Variants in ZC3H12B observed in about 807,000 individuals in gnomAD.
ZC3H12B encodes zinc finger CCCH-type containing 12B, also known as probable ribonuclease ZC3H12B.
In ZC3H12B, 7 loss-of-function variants were observed where a neutral mutation model predicts 43.9. The observed-to-expected ratio is 0.16, with a 90% CI of 0.09 to 0.30. The LOEUF is 0.30. Ranked by LOEUF, ZC3H12B falls within the 10% of genes least tolerant of loss-of-function variation. ZC3H12B has a pLI of 1.00. For missense variants in ZC3H12B, 475 were observed against 670.2 expected, an observed-to-expected ratio of 0.71 and a Z score of 3.22; for synonymous variants, 222 against 241.7, an observed-to-expected ratio of 0.92 and a Z score of 0.76.
the ZC3H12B span, among the ~76,000 whole-genome samples, chrX:65,170,465 C>T: frequency 8.9e-6 from 1 of 111,743 alleles, no homozygotes; most frequent in Non-Finnish European, 1.9e-5. Context: ...CTGCCCTTAA[C>T]ATTTTTCCCT....
the ZC3H12B span, among the ~76,000 whole-genome samples, chrX:65,238,095 T>A: frequency 9.0e-6 from 1 of 111,585 alleles, no homozygotes; most frequent in Non-Finnish European, 1.9e-5. Context: ...CCCTCCTCAA[T>A]TTTTTGGAAT....
chrX:65,200,671 G>C, the ZC3H12B span, among the ~76,000 whole-genome samples: 1 of 109,855 alleles, frequency 9.1e-6, no homozygotes, highest in Non-Finnish European at 1.9e-5. Flanking sequence ...CCTGGTCTCA[G>C]TGTATCTGCC....
chrX:65,381,328 C>T (rs2066436433), intron 2 of ZC3H12B, among the ~76,000 whole-genome samples: 1 of 111,668 alleles, frequency 9.0e-6, no homozygotes, highest in Non-Finnish European at 1.9e-5. Flanking sequence ...TACATGGAAA[C>T]TAAACAACCT....
At chrX:65,336,468 A>G in the ZC3H12B span, among the ~76,000 whole-genome samples, 1 of 112,495 alleles carries the variant, frequency 8.9e-6, no homozygotes, top group Admixed American at 9.4e-5. Context: ...CCAGAGCAAA[A>G]TACATGTGGC....
chrX:65,365,729 G>A (rs761669784), upstream of ZC3H12B, among the ~76,000 whole-genome samples: 5 of 110,902 alleles, frequency 4.5e-5, no homozygotes, highest in South Asian at 1.9e-3. Flanking sequence ...CATCCAGATG[G>A]CCTGTTCCTG....
intron 3 of ZC3H12B, among the ~76,000 whole-genome samples, chrX:65,422,621 G>T (rs1018061975): frequency 2.7e-5 from 3 of 110,681 alleles, no homozygotes; most frequent in African/African-American, 9.9e-5. Flanking sequence ...CGTGCCATGT[G>T]GTTTGCTGCA....
the ZC3H12B span, among the ~76,000 whole-genome samples, chrX:65,318,032 A>G: frequency 1.8e-5 from 2 of 109,045 alleles, no homozygotes; most frequent in African/African-American, 6.7e-5. Flanking sequence ...CTCTGGGCAG[A>G]TATCCGGTAG....
At chrX:65,085,454 G>T in the ZC3H12B span, among the ~76,000 whole-genome samples, 1 of 111,074 alleles carries the variant, frequency 9.0e-6, no homozygotes, top group Non-Finnish European at 1.9e-5. Context: ...AAATCACCAT[G>T]GTTTTGTGGT....
chrX:65,134,903 G>C, the ZC3H12B span, among the ~76,000 whole-genome samples: 15 of 111,179 alleles, frequency 1.3e-4, no homozygotes, highest in African/African-American at 4.9e-4. Flanking sequence ...CTGGCAGGCA[G>C]GGGCGGGAAT....
chrX:65,129,042 T>C, the ZC3H12B span, among the ~76,000 whole-genome samples: 1 of 110,816 alleles, frequency 9.0e-6, no homozygotes, highest in Admixed American at 9.7e-5. Flanking sequence ...CCATTTAATG[T>C]AATTATTGAT....
intron 3 of ZC3H12B, among the ~76,000 whole-genome samples, chrX:65,401,538 G>A (rs1357754809): frequency 9.0e-6 from 1 of 111,722 alleles, no homozygotes. Context: ...GCAAGTCATA[G>A]GGCTAAACTG....
At chrX:65,136,486 G>T in the ZC3H12B span, among the ~76,000 whole-genome samples, 1 of 111,216 alleles carries the variant, frequency 9.0e-6, no homozygotes, top group African/African-American at 3.3e-5. Flanking sequence ...GGCTATCTAG[G>T]CCCCCCTTTC....
intron 3 of ZC3H12B, among the ~76,000 whole-genome samples, chrX:65,482,178 A>G (rs935428154): frequency 6.2e-5 from 7 of 112,034 alleles, no homozygotes; most frequent in Non-Finnish European, 1.3e-4. Flanking sequence ...GAAAGTTATA[A>G]GAAAGGCAAT....
intron 3 of ZC3H12B, among the ~76,000 whole-genome samples, chrX:65,445,796 C>T (rs1239207440): frequency 8.9e-6 from 1 of 112,430 alleles, no homozygotes; most frequent in Non-Finnish European, 1.9e-5. Flanking sequence ...GGAGCTGGGG[C>T]TAGGAGTCGG....
the ZC3H12B span, among the ~76,000 whole-genome samples, chrX:65,304,308 A>T: frequency 2.7e-5 from 3 of 111,745 alleles, no homozygotes; most frequent in East Asian, 5.6e-4. Context: ...TTGAGTAACC[A>T]TATGCAAAAA....
the ZC3H12B span, among the ~76,000 whole-genome samples, chrX:65,304,473 G>A: frequency 6.3e-5 from 7 of 110,336 alleles, no homozygotes; most frequent in African/African-American, 9.9e-5. Flanking sequence ...AAAAATAGCC[G>A]GGCGTGGTGG....
the ZC3H12B span, among the ~76,000 whole-genome samples, chrX:65,254,374 A>C: frequency 8.9e-6 from 1 of 112,356 alleles, no homozygotes; most frequent in African/African-American, 3.2e-5. Flanking sequence ...AATCTTAAGG[A>C]GCTAGAGAAC....
At chrX:65,162,408 C>A in the ZC3H12B span, among the ~76,000 whole-genome samples, 2 of 112,152 alleles carry the variant, frequency 1.8e-5, no homozygotes, top group African/African-American at 6.5e-5. Context: ...TTACACCAAT[C>A]AGACGTAGAT....
the ZC3H12B span, chrX:65,271,624 A>T: frequency 1.3e-4 from 15 of 112,295 alleles, no homozygotes; most frequent in African/African-American, 4.9e-4. Context: ...TAACAGTGTG[A>T]CTTCAGTGGA....
Sources: gnomAD v4.1 joint callset for allele counts (sites outside exome capture counted in the v4.1 genomes callset) on GRCh38, gnomAD v4.1.1 for gene constraint, MANE v1.5 for transcripts, NCBI Gene and HGNC (gene_info 2026-07-23, HGNC 2026-07-21) for gene names.